Variants in PTPRN2 observed in about 807,000 individuals in gnomAD.
PTPRN2 encodes the protein receptor-type tyrosine-protein phosphatase N2.
In PTPRN2, 74 loss-of-function variants were observed where a neutral mutation model predicts 118.8. The observed-to-expected ratio is 0.62, with a 90% CI of 0.52 to 0.76. PTPRN2 has a LOEUF of 0.76. Among genes scored for constraint, PTPRN2 ranks in the 30% least tolerant of loss-of-function variants. The pLI is 0.00. For synonymous variants in PTPRN2, 641 were observed against 608.0 expected (o/e 1.05, Z -0.80); for missense variants, 1,481 against 1,394.4 (o/e 1.06, Z -0.99).
At chr7:158,296,676 C>T (rs1800524834) in intron 3 of PTPRN2, among the ~76,000 whole-genome samples, 1 of 152,222 alleles carries the variant, frequency 6.6e-6, no homozygotes, top group Non-Finnish European at 1.5e-5. Context: ...TGTATGCTCC[C>T]CTGCAGGTGG....
intron 2 of PTPRN2, among the ~76,000 whole-genome samples, chr7:158,369,292 T>C (rs34036969): frequency 0.072 from 1,187 of 16,408 alleles, 14 homozygotes; most frequent in Admixed American, 0.18. Context: ...CACACACACA[T>C]ATATATACCT....
At chr7:157,892,159 T>C (rs2008898) in intron 12 of PTPRN2, among the ~76,000 whole-genome samples, 77,651 of 89,316 alleles carry the variant, frequency 0.87, 34,842 homozygotes, top group East Asian at 1. Flanking sequence ...TCTATCACGA[T>C]GCTTAGAAGC....
chr7:158,452,665 G>T (rs1370987238), intron 2 of PTPRN2, among the ~76,000 whole-genome samples: 1 of 152,236 alleles, frequency 6.6e-6, no homozygotes, highest in East Asian at 1.9e-4. Flanking sequence ...GATAAGACAG[G>T]TGGAGTGAGT....
intron 11 of PTPRN2, among the ~76,000 whole-genome samples, chr7:157,924,792 A>G (rs1381778390): frequency 6.6e-6 from 1 of 152,274 alleles, no homozygotes; most frequent in Non-Finnish European, 1.5e-5. Flanking sequence ...GGTGATGAAA[A>G]CACCTCCACT....
At chr7:157,769,133 A>C (rs1802651363) in intron 12 of PTPRN2, among the ~76,000 whole-genome samples, 1 of 152,120 alleles carries the variant, frequency 6.6e-6, no homozygotes, top group African/African-American at 2.4e-5. Context: ...CAACGCCTCC[A>C]CCGCGGCCAG....
At chr7:158,216,870 G>C (rs192468661) in intron 3 of PTPRN2, among the ~76,000 whole-genome samples, 299 of 152,208 alleles carry the variant, frequency 2.0e-3, no homozygotes, top group South Asian at 8.1e-3. Flanking sequence ...ACAAACTTCA[G>C]CAAAATTATA....
At chr7:158,196,626 G>A (rs1021869065) in intron 4 of PTPRN2, among the ~76,000 whole-genome samples, 1 of 152,138 alleles carries the variant, frequency 6.6e-6, no homozygotes, top group Admixed American at 6.5e-5. Context: ...GGACTACAGA[G>A]TCTGCTGTCC....
At chr7:157,557,276 A>G (rs1203309921) in intron 21 of PTPRN2, among the ~76,000 whole-genome samples, 1 of 151,434 alleles carries the variant, frequency 6.6e-6, no homozygotes, top group African/African-American at 2.4e-5. Context: ...CTCACATCCT[A>G]CATCACATGT....
chr7:157,891,919 C>T (rs771172632), intron 12 of PTPRN2, among the ~76,000 whole-genome samples: 7 of 152,192 alleles, frequency 4.6e-5, no homozygotes, highest in African/African-American at 9.6e-5. Context: ...ACCCAGACAG[C>T]CCCCAGTCTG....
chr7:158,391,810 G>A lies in PTPRN2; in HGVS notation c.164-74878C>T, dbSNP rs890822073. 5.3e-5 allele frequency among the ~76,000 whole-genome samples: 8 copies of A among 152,338 alleles called. No individual in the cohort carries two copies. The East Asian group carries it at 7.7e-4, about 15-fold the overall frequency. ...GTACCGGGGGCGGGGGAGGAAAGGAGCTGCACCCCCAGCCAGACAAGGCCA... is the reference window on the plus strand; with the variant it reads ...GTACCGGGGGCGGGGGAGGAAAGGAACTGCACCCCCAGCCAGACAAGGCCA... On this transcript the variant is annotated intron_variant, in intron 2 of 22. Transcript: ENST00000389418.
intron 2 of PTPRN2, among the ~76,000 whole-genome samples, chr7:158,391,662 T>C (rs1394680245): frequency 1.3e-5 from 2 of 152,104 alleles, no homozygotes; most frequent in Non-Finnish European, 2.9e-5. Context: ...TGCCAGGACA[T>C]AGAGCAGCTG....
chr7:158,036,147 C>CG (rs1186016367), intron 11 of PTPRN2, among the ~76,000 whole-genome samples: 20 of 151,980 alleles, frequency 1.3e-4, no homozygotes, highest in African/African-American at 4.4e-4. Context: ...GAATTAGGGG[C>CG]ATAACAATAA....
chr7:157,914,950 C>A (rs982303473), intron 11 of PTPRN2, among the ~76,000 whole-genome samples: 8 of 151,984 alleles, frequency 5.3e-5, no homozygotes, highest in African/African-American at 1.9e-4. Flanking sequence ...TAAACTCATA[C>A]CCTTAGTTTA....
At chr7:158,553,551 C>T (rs768336854) in intron 1 of PTPRN2, among the ~76,000 whole-genome samples, 1 of 150,826 alleles carries the variant, frequency 6.6e-6, no homozygotes, top group Non-Finnish European at 1.5e-5. Context: ...TCCCTGTCTA[C>T]ACATGCACAG....
intron 11 of PTPRN2, among the ~76,000 whole-genome samples, chr7:157,952,930 G>A (rs892341966): frequency 6.6e-6 from 1 of 152,100 alleles, no homozygotes; most frequent in African/African-American, 2.4e-5. Context: ...TCACCGAGAC[G>A]TCAGCACGGC....
intron 12 of PTPRN2, among the ~76,000 whole-genome samples, chr7:157,896,584 A>G (rs1474500334): frequency 6.6e-6 from 1 of 151,306 alleles, no homozygotes; most frequent in South Asian, 2.1e-4. Context: ...CGTGGGAAGG[A>G]GCTCCGTTGT....
chr7:158,076,782 G>A (rs995636674), intron 11 of PTPRN2, among the ~76,000 whole-genome samples: 1 of 152,124 alleles, frequency 6.6e-6, no homozygotes, highest in Admixed American at 6.5e-5. Context: ...TGCCCTCCCC[G>A]ATGTGCCATC....
At chr7:158,433,205 G>T (rs1176347204) in intron 2 of PTPRN2, among the ~76,000 whole-genome samples, 2 of 152,214 alleles carry the variant, frequency 1.3e-5, no homozygotes, top group African/African-American at 4.8e-5. Context: ...GTGCATAGAC[G>T]TGTAAGTTAT....
intron 11 of PTPRN2, among the ~76,000 whole-genome samples, chr7:157,999,780 G>T (rs1253111115): frequency 6.6e-6 from 1 of 152,178 alleles, no homozygotes; most frequent in Non-Finnish European, 1.5e-5. Flanking sequence ...GCCACTCAAA[G>T]GTGGGGTGCA....
Sources: gnomAD v4.1 joint callset for allele counts (sites outside exome capture counted in the v4.1 genomes callset) on GRCh38, gnomAD v4.1.1 for gene constraint, MANE v1.5 for transcripts, NCBI Gene and HGNC (gene_info 2026-07-23, HGNC 2026-07-21) for gene names.